Variants in GALNS observed in about 807,000 individuals in gnomAD.
GALNS encodes N-acetylgalactosamine-6-sulfatase.
In GALNS, 65 loss-of-function variants were observed where a neutral mutation model predicts 65.9. That is an observed-to-expected ratio of 0.99 (90% CI 0.81 to 1.21). The LOEUF (loss-of-function observed/expected upper bound fraction) is 1.21. Ranked by LOEUF, GALNS falls within the 50% of genes most tolerant of loss-of-function variation. The pLI is 0.00. For synonymous variants in GALNS, 346 were observed against 288.9 expected (o/e 1.20, Z -2.00); for missense variants, 776 against 700.7 (o/e 1.11, Z -1.21).
At chr16:88,833,832 A>C (rs1338992592) in intron 8 of GALNS, among the ~76,000 whole-genome samples, 1 of 152,246 alleles carries the variant, frequency 6.6e-6, no homozygotes, top group African/African-American at 2.4e-5. Context: ...ATCTTGTTAC[A>C]AATAGGTACA....
chr16:88,829,859 G>A (rs542958409), intron 9 of GALNS, among the ~76,000 whole-genome samples: 83 of 152,334 alleles, frequency 5.4e-4, no homozygotes, highest in African/African-American at 1.9e-3. Context: ...AACGCAGGCC[G>A]CTCATCAGCG....
At chr16:88,825,044 GCCTGGGCGGCCGGGGCTGGAGCT>G (rs1244100735) in intron 10 of GALNS, among the ~76,000 whole-genome samples, 175 bp from the exon 11 acceptor site, 2 of 129,022 alleles carry the variant, frequency 1.6e-5, no homozygotes, top group Non-Finnish European at 3.2e-5. Context: ...GGGCTGGGGT[GCCTGGGCGGCCGGGGCTGGAGCT>G]CCTGGGTGGC....
In GALNS at chr16:88,856,791, C is replaced by T. The variant is rs777090049; in HGVS notation, c.87G>A (p.Gln29=). 6 of 1,536,084 alleles carry T rather than the reference C, an allele frequency of 3.9e-6. No individual in the cohort carries two copies. In the East Asian group the frequency reaches 1.0e-4, roughly 26 times the overall value. ...AAGMGASGAP[Q]PPNILLLLMD... is the part of the protein sequence containing the mutation. ...TGAGCAGGAGCAGGATGTTGGGGGGCTGCGGGGCGCCCGAGGCCCCCATCC... is the reference window on the plus strand; with the variant it reads ...TGAGCAGGAGCAGGATGTTGGGGGGTTGCGGGGCGCCCGAGGCCCCCATCC... Residue 29 remains glutamine (Q), a synonymous_variant, in exon 1 of 14, where the codon CAG becomes CAA. Transcript: ENST00000268695.
intron 10 of GALNS, among the ~76,000 whole-genome samples, chr16:88,826,414 G>T (rs527678368): frequency 6.6e-6 from 1 of 151,766 alleles, no homozygotes; most frequent in African/African-American, 2.4e-5. Context: ...GCATGTGCCC[G>T]GGTACAGGCA....
intron 1 of GALNS, chr16:88,856,510 T>G: frequency 1.4e-6 from 1 of 697,630 alleles, no homozygotes; most frequent in Non-Finnish European, 2.6e-6. Context: ...TGGTGATCGG[T>G]GACCGCCGAG....
chr16:88,830,818 G>C (rs773076243), intron 9 of GALNS, among the ~76,000 whole-genome samples: 7 of 152,178 alleles, frequency 4.6e-5, no homozygotes, highest in African/African-American at 1.2e-4. Context: ...CAACGGTCTC[G>C]TGTCGGGCTG....
At chr16:88,817,872 A>C in intron 13 of GALNS, 135 bp downstream of exon 13, 4 of 780,846 alleles carry the variant, frequency 5.1e-6, no homozygotes, top group East Asian at 2.8e-5. Context: ...GCTCTGAGGC[A>C]CGAGGGCCTC....
chr16:88,819,686 C>T (rs1003318262), intron 12 of GALNS, among the ~76,000 whole-genome samples: 10 of 151,994 alleles, frequency 6.6e-5, no homozygotes. Flanking sequence ...ATCACTGTGC[C>T]TGGCTAATTT....
intron 1 of GALNS, among the ~76,000 whole-genome samples, chr16:88,846,391 G>A (rs1373363312): frequency 6.6e-6 from 1 of 152,150 alleles, no homozygotes; most frequent in African/African-American, 2.4e-5. Context: ...GGACGGCTGG[G>A]GGCCACCAGA....
At chr16:88,856,149 C>CT in intron 1 of GALNS, 1 of 702,714 alleles carries the variant, frequency 1.4e-6, no homozygotes, top group Non-Finnish European at 2.6e-6. Context: ...TGACCCCGCA[C>CT]TTGCCCACCA....
chr16:88,825,200 TGCCTGGGTGTCTGGGGC>T (rs368699966), intron 10 of GALNS, among the ~76,000 whole-genome samples: 3,482 of 106,838 alleles, frequency 0.033, 80 homozygotes, highest in Admixed American at 0.058. Context: ...GTGTCTAGGG[TGCCTGGGTGTCTGGGGC>T]GCCTGGGTGT....
At chr16:88,816,183 A>C in intron 13 of GALNS, 1 of 985,414 alleles carries the variant, frequency 1.0e-6, no homozygotes, top group Non-Finnish European at 1.2e-6. Context: ...CCCAGTGCCC[A>C]GGAGATGGCA....
chr16:88,856,896 G>T lies in GALNS; in HGVS notation c.-19C>A, dbSNP rs1186737850. ...CCGCCATGGCAACCACGGGAGCCGC[G>T]GAGCCCCGGCCAGCGAGCCGACCTA... On this transcript the variant is annotated 5_prime_UTR_variant, in exon 1 of 14. Transcript: ENST00000268695. 5 of 1,502,274 alleles carry T rather than the reference G, an allele frequency of 3.3e-6. No homozygotes were observed. Among genetic ancestry groups the T allele is most frequent in the African/African-American group, 1.5e-5 (1 of 68,540 alleles). The allele number at this position is 1,502,274 out of a possible 1,614,324, so 93.1% of individuals were successfully genotyped here.
chr16:88,843,125 T>A (rs531884145), intron 1 of GALNS: 74 of 1,447,126 alleles, frequency 5.1e-5, no homozygotes, highest in Middle Eastern at 1.9e-4. Flanking sequence ...AGGTGGGGAA[T>A]GTGTCCGTCT....
At chr16:88,853,873 C>T (rs1231925080) in intron 1 of GALNS, among the ~76,000 whole-genome samples, 4 of 152,186 alleles carry the variant, frequency 2.6e-5, no homozygotes. Context: ...TTGCCAGCTG[C>T]TCTCACCCCT....
intron 8 of GALNS, among the ~76,000 whole-genome samples, chr16:88,834,996 C>T (rs1294461440): frequency 6.6e-6 from 1 of 152,214 alleles, no homozygotes; most frequent in Non-Finnish European, 1.5e-5. Flanking sequence ...GTGTCACCTC[C>T]TCCCCACCCC....
chr16:88,824,710 C>T, intron 11 of GALNS, 57 bp downstream of exon 11: 1 of 1,455,064 alleles, frequency 6.9e-7, no homozygotes, highest in South Asian at 1.1e-5. Flanking sequence ...GCTCAGGGGC[C>T]ACGTCTGGAT....
intron 1 of GALNS, among the ~76,000 whole-genome samples, chr16:88,850,667 G>A (rs1021603708): frequency 2.6e-5 from 4 of 152,232 alleles, no homozygotes; most frequent in African/African-American, 9.6e-5. Context: ...AGGTGCGGGC[G>A]GGGCCGGGGA....
chr16:88,814,680 G>A (rs1310345729), intron 13 of GALNS, 155 bp from the exon 14 acceptor site: 1 of 712,576 alleles, frequency 1.4e-6, no homozygotes, highest in Non-Finnish European at 1.7e-6. Context: ...TGCAACCTCT[G>A]CCTTCCGGGT....
Sources: allele counts gnomAD v4.1 joint callset (sites outside exome capture counted in the v4.1 genomes callset), GRCh38; gene constraint gnomAD v4.1.1; transcripts MANE v1.5; gene names NCBI Gene and HGNC (gene_info 2026-07-23, HGNC 2026-07-21).